Variants in ZNF282 observed in about 807,000 individuals in gnomAD.
ZNF282 encodes the protein zinc finger protein 282.
Under a neutral mutation model 61.9 loss-of-function variants are expected in ZNF282, and 30 were observed. The ratio of observed to expected loss-of-function variants is 0.48; its 90% CI spans 0.36 to 0.66. ZNF282 has a LOEUF of 0.66. Among genes scored for constraint, ZNF282 ranks in the 30% least tolerant of loss-of-function variants. The pLI is 0.00. For synonymous variants in ZNF282, 396 were observed against 405.0 expected (o/e 0.98, Z 0.27); for missense variants, 788 against 941.4 (o/e 0.84, Z 2.13).
intron 4 of ZNF282, 39 bp from the exon 5 acceptor site, chr7:149,210,546 G>GA (rs1585567982): frequency 1.2e-6 from 2 of 1,600,798 alleles, no homozygotes; most frequent in African/African-American, 1.4e-5. Flanking sequence ...GGTGCCTGCA[G>GA]AAAAAAAGAC....
At chr7:149,219,967 A>C (rs1480389834) in intron 7 of ZNF282, among the ~76,000 whole-genome samples, 1 of 152,222 alleles carries the variant, frequency 6.6e-6, no homozygotes, top group African/African-American at 2.4e-5. Flanking sequence ...GAGTCTTACT[A>C]TGAAAAGGAA....
At chr7:149,197,182 C>A (rs1795832106) in intron 1 of ZNF282, among the ~76,000 whole-genome samples, 1 of 152,166 alleles carries the variant, frequency 6.6e-6, no homozygotes, top group Non-Finnish European at 1.5e-5. Flanking sequence ...GGGGTGAGGG[C>A]TCTGTGCTGG....
At position 149,225,592 on chromosome 7, in the gene ZNF282, A is replaced by T. The variant is rs1183516231; in HGVS notation, c.*945A>T. 6.5e-6 allele frequency: 1 copy of T among 152,718 alleles called. No individual in the cohort carries two copies. Among genetic ancestry groups the T allele is most frequent in the Non-Finnish European group, 1.5e-5 (1 of 68,206 alleles). 9.5% of individuals were successfully genotyped at this position (152,718 alleles called of 1,614,324 possible). On this transcript the variant is annotated 3_prime_UTR_variant, in exon 8 of 8. Coordinates refer to ENST00000610704, the MANE Select transcript of ZNF282 (RefSeq NM_003575.4). The stretch of plus-strand genomic sequence containing the variant: ...ACAGGCAGTTAGGGCCCCAGGTCAG[A>T]CCTCACCATGATGATTTGTTCCAGT...
rs569694413 is a variant in ZNF282, at chr7:149,211,151, G to C, written c.952+447G>C. On this transcript the variant is annotated intron_variant, in intron 5 of 7. Transcript: ENST00000610704. ...CAGGCACCTACATACCTGCGGTCCT[G>C]TGAGGGACCTCCTCTTAGCTGGCAT... Among the ~76,000 whole-genome samples, 23 of 152,354 alleles carry C rather than the reference G, an allele frequency of 1.5e-4. No homozygotes were observed. The South Asian group carries it at 4.1e-3, about 27-fold the overall frequency.
intron 4 of ZNF282, among the ~76,000 whole-genome samples, chr7:149,209,575 C>T (rs1189691582): frequency 6.6e-6 from 1 of 152,146 alleles, no homozygotes; most frequent in Non-Finnish European, 1.5e-5. Context: ...AGTTGGTTAT[C>T]AAACCATCAC....
At chr7:149,215,194 C>CTTTTTT (rs1269173207) in intron 7 of ZNF282, among the ~76,000 whole-genome samples, 2 of 120,112 alleles carry the variant, frequency 1.7e-5, no homozygotes. Context: ...TATTTCCTGA[C>CTTTTTT]ATTTTTTTTT....
chr7:149,224,768 T>C lies in ZNF282; in HGVS notation c.*121T>C, dbSNP rs1356632303. The C allele has an allele frequency of 5.6e-6, 8 of 1,418,624 alleles. No homozygotes were observed. In the African/African-American group the frequency reaches 1.0e-4, roughly 18 times the overall value. The allele number at this position is 1,418,624 out of a possible 1,614,324, so 87.9% of individuals were successfully genotyped here. ...TCGGCAACAGGCATTGCACTCCGGT[T>C]GGGGGTCCCCCAGGGTGGGGCAGGG... On this transcript the variant is annotated 3_prime_UTR_variant, in exon 8 of 8. Transcript: ENST00000610704.
chr7:149,224,983 C>G lies in ZNF282; in HGVS notation c.*336C>G, dbSNP rs979399111. 1 of 325,338 alleles carries G rather than the reference C, an allele frequency of 3.1e-6. No homozygotes were observed. The highest frequency in any genetic ancestry group is 2.1e-5 in the African/African-American group (1 of 47,398). The allele number at this position is 325,338 out of a possible 1,614,324, so 20.2% of individuals were successfully genotyped here. On this transcript the variant is annotated 3_prime_UTR_variant, in exon 8 of 8. Transcript: ENST00000610704. ...GAAGCCACCAGGGAGTCCCGAAGCC[C>G]TTCTGAGATCAGGAAATCAGGTCCC...
chr7:149,215,438 G>A (rs1355598945), intron 7 of ZNF282, among the ~76,000 whole-genome samples: 2 of 152,010 alleles, frequency 1.3e-5, no homozygotes, highest in East Asian at 1.9e-4. Flanking sequence ...CCTGACCTCA[G>A]GTGATCTGCC....
chr7:149,223,429 C>T (rs1374346810), intron 7 of ZNF282, among the ~76,000 whole-genome samples: 1 of 152,150 alleles, frequency 6.6e-6, no homozygotes, highest in African/African-American at 2.4e-5. Context: ...GCCTGGGAGA[C>T]AGAGCCAGAC....
At chr7:149,209,190 C>T (rs1276876106) in intron 4 of ZNF282, among the ~76,000 whole-genome samples, 1 of 151,046 alleles carries the variant, frequency 6.6e-6, no homozygotes, top group African/African-American at 2.4e-5. Flanking sequence ...TGGTGGCGGG[C>T]GCCTGTAGTC....
At position 149,195,562 on chromosome 7, in the gene ZNF282, G is replaced by A; in HGVS notation, c.-28G>A. On this transcript the variant is annotated 5_prime_UTR_variant, in exon 1 of 8. Transcript: ENST00000610704. ...GAAAACGTTCTTCTTCTCCCTGGCC[G>A]ACCCGAGCGGGGAACAGCACTCCCA... is the stretch of plus-strand genomic sequence containing the variant. The A allele has an allele frequency of 1.2e-6, 2 of 1,605,310 alleles. No homozygotes were observed. Among genetic ancestry groups the A allele is most frequent in the East Asian group, 2.3e-5 (1 of 43,946 alleles).
At chr7:149,208,095 A>G (rs372064220) in intron 4 of ZNF282, among the ~76,000 whole-genome samples, 4 of 152,278 alleles carry the variant, frequency 2.6e-5, no homozygotes, top group African/African-American at 9.6e-5. Context: ...TTTCCTGAGC[A>G]TTGTTGGATT....
At chr7:149,221,213 C>T (rs1270507675) in intron 7 of ZNF282, among the ~76,000 whole-genome samples, 1 of 152,238 alleles carries the variant, frequency 6.6e-6, no homozygotes, top group Admixed American at 6.5e-5. Context: ...GCCACAGTGC[C>T]TGGCCAGCTT....
At position 149,211,505 on chromosome 7, in the gene ZNF282, A is replaced by T. The variant is rs536418546; in HGVS notation, c.952+801A>T. On this transcript the variant is annotated intron_variant, in intron 5 of 7. Coordinates refer to ENST00000610704, the MANE Select transcript of ZNF282 (RefSeq NM_003575.4). Reference sequence around the variant, plus strand: ...CATAGAGGGCAATCTGCTTGACTCAAGTCTACTGACTTACATGTTCAAATC... The same window carrying T: ...CATAGAGGGCAATCTGCTTGACTCATGTCTACTGACTTACATGTTCAAATC... 2.0e-5 allele frequency among the ~76,000 whole-genome samples: 3 copies of T among 152,302 alleles called. No individual in the cohort carries two copies. The East Asian group carries it at 5.8e-4, about 29-fold the overall frequency.
chr7:149,199,657 C>T (rs1265225409), intron 2 of ZNF282, among the ~76,000 whole-genome samples: 1 of 152,140 alleles, frequency 6.6e-6, no homozygotes, highest in Non-Finnish European at 1.5e-5. Flanking sequence ...CTCTCCTTCC[C>T]TCCCTTTTCC....
intron 7 of ZNF282, 27 bp downstream of exon 7, chr7:149,213,841 G>A (rs1385647874): frequency 6.4e-7 from 1 of 1,562,822 alleles, no homozygotes; most frequent in Non-Finnish European, 8.8e-7. Flanking sequence ...CCTAGACCCT[G>A]GGGTTTCTTC....
At chr7:149,210,801 C>A in intron 5 of ZNF282, 97 bp downstream of exon 5, 1 of 1,436,668 alleles carries the variant, frequency 7.0e-7, no homozygotes, top group Non-Finnish European at 9.2e-7. Flanking sequence ...TCACATGTGC[C>A]AGGCCAGAGG....
intron 7 of ZNF282, among the ~76,000 whole-genome samples, chr7:149,218,691 C>T (rs59984268): frequency 0.12 from 18,398 of 152,114 alleles, 1,883 homozygotes; most frequent in African/African-American, 0.29. Flanking sequence ...TCTCTTCAGA[C>T]ACCAGCTGCA....
Sources: gnomAD v4.1 joint callset for allele counts (sites outside exome capture counted in the v4.1 genomes callset) on GRCh38, gnomAD v4.1.1 for gene constraint, MANE v1.5 for transcripts, NCBI Gene and HGNC (gene_info 2026-07-23, HGNC 2026-07-21) for gene names.